Variants in KCTD14 observed in about 807,000 individuals in gnomAD.
KCTD14 encodes potassium channel tetramerization domain containing 14.
Under a neutral mutation model 5.9 loss-of-function variants are expected in KCTD14, and 7 were observed. The ratio of observed to expected loss-of-function variants is 1.19; its 90% confidence interval spans 0.68 to 2.23. The LOEUF (loss-of-function observed/expected upper bound fraction) is 2.23. KCTD14 is among the 30% of genes most tolerant of loss of function. The pLI is 0.00. For missense variants in KCTD14, 342 were observed against 332.2 expected (o/e 1.03, Z -0.23); for synonymous variants, 140 against 133.1 (o/e 1.05, Z -0.36).
upstream of KCTD14, chr11:78,023,606 G>A: frequency 4.6e-6 from 1 of 218,222 alleles, no homozygotes; most frequent in Non-Finnish European, 9.1e-6. Flanking sequence ...TCAACCTCCT[G>A]GGCTCAAGTG....
chr11:78,032,937 C>T (rs12284103), intron 2 of KCTD14, among the ~76,000 whole-genome samples: 52,566 of 151,758 alleles, frequency 0.35, 9,242 homozygotes, highest in South Asian at 0.43. Context: ...CCACCTTAGG[C>T]TCCCAAAGTG....
chr11:78,021,297 CAAAAAAAAAAAAAAA>C (rs531185817), intron 1 of KCTD14, among the ~76,000 whole-genome samples: 24 of 85,176 alleles, frequency 2.8e-4, no homozygotes, highest in Admixed American at 6.6e-4. Flanking sequence ...GACCCTGTCT[CAAAAAAAAAAAAAAA>C]AAAAAAAAAA....
chr11:78,036,581 C>G (rs1857809089), intron 2 of KCTD14, among the ~76,000 whole-genome samples: 3 of 152,254 alleles, frequency 2.0e-5, no homozygotes, highest in Admixed American at 1.3e-4. Context: ...TTAGCCTCCT[C>G]CCGGCACTGC....
chr11:78,038,761 G>A, intron 1 of KCTD14: 1 of 1,535,696 alleles, frequency 6.5e-7, no homozygotes, highest in Non-Finnish European at 8.7e-7. Context: ...GTCACCCCCT[G>A]AAACAGAAAG....
intron 2 of KCTD14, among the ~76,000 whole-genome samples, chr11:78,028,459 C>A (rs576331437): frequency 1.3e-5 from 2 of 151,894 alleles, no homozygotes; most frequent in Non-Finnish European, 2.9e-5. Flanking sequence ...AAAAATTAGC[C>A]GGGCATGGTG....
chr11:78,025,439 C>G (rs991539360), upstream of KCTD14, among the ~76,000 whole-genome samples: 6 of 152,110 alleles, frequency 3.9e-5, no homozygotes, highest in African/African-American at 1.4e-4. Flanking sequence ...TCCCAGACCA[C>G]TGACTCAAAT....
intron 1 of KCTD14, among the ~76,000 whole-genome samples, chr11:78,040,401 G>T (rs1020938385): frequency 6.7e-6 from 1 of 148,312 alleles, no homozygotes; most frequent in African/African-American, 2.5e-5. Flanking sequence ...ACTTCTTCCT[G>T]TGTCTCTTCT....
chr11:78,040,862 G>T (rs1857973204), intron 1 of KCTD14, among the ~76,000 whole-genome samples: 1 of 151,976 alleles, frequency 6.6e-6, no homozygotes, highest in African/African-American at 2.4e-5. Flanking sequence ...TAGAAATGGG[G>T]TTTCACCATG....
intron 2 of KCTD14, among the ~76,000 whole-genome samples, chr11:78,032,228 T>G (rs1418433870): frequency 6.6e-6 from 1 of 152,178 alleles, no homozygotes; most frequent in African/African-American, 2.4e-5. Flanking sequence ...CAAGCTCCTT[T>G]CTGGAGGGAG....
At position 78,023,260 on chromosome 11, in the gene KCTD14, TG is replaced by T. The variant is rs1857356796; in HGVS notation, c.-12del. Reference sequence around the variant, plus strand: ...GCAGCCCTGCCACATGCAGATCACTTGGGCCAGCGGAAGTGCCCCTGGCTGC... The same window carrying T: ...GCAGCCCTGCCACATGCAGATCACTTGGCCAGCGGAAGTGCCCCTGGCTGC... On this transcript the variant is annotated 5_prime_UTR_variant, in exon 1 of 2. Coordinates refer to ENST00000353172, the MANE Select transcript of KCTD14 (RefSeq NM_023930.4). The T allele has an allele frequency of 6.2e-7, 1 of 1,608,348 alleles. No individual in the cohort carries two copies.
intron 2 of KCTD14, among the ~76,000 whole-genome samples, chr11:78,033,953 A>C (rs1311083998): frequency 6.9e-6 from 1 of 145,166 alleles, no homozygotes; most frequent in East Asian, 2.0e-4. Context: ...ACACCATTGC[A>C]TTTGCAACGG....
rs1555055242 is a variant in KCTD14, at chr11:78,039,084, A to AAC, written c.-95-328_-95-327dup. Among the ~76,000 whole-genome samples the AAC allele has an allele frequency of 7.9e-5, 12 of 151,716 alleles. No individual in the cohort carries two copies. In the East Asian group the frequency reaches 1.9e-3, roughly 25 times the overall value. ...TTTAGATTACAAAAAAAAAAAAAAA[A>AAC]ACACAAAAAAACAGGTGTCTCTGAC... is the stretch of plus-strand genomic sequence containing the variant. On this transcript the variant is annotated intron_variant, in intron 1 of 2. Transcript: ENST00000533144.
intron 2 of KCTD14, among the ~76,000 whole-genome samples, chr11:78,034,871 C>T (rs1460267364): frequency 6.6e-6 from 1 of 152,138 alleles, no homozygotes; most frequent in African/African-American, 2.4e-5. Flanking sequence ...TATTCACTCT[C>T]CTTTGTAAAG....
intron 1 of KCTD14, among the ~76,000 whole-genome samples, chr11:78,018,366 C>T (rs1483678604): frequency 6.6e-6 from 1 of 151,904 alleles, no homozygotes; most frequent in Non-Finnish European, 1.5e-5. Context: ...CATAGCAAGA[C>T]CCCATCTCTG....
chr11:78,038,906 A>G, intron 1 of KCTD14: 1 of 908,302 alleles, frequency 1.1e-6, no homozygotes, highest in East Asian at 2.7e-5. Flanking sequence ...TCAGGCCCGG[A>G]TGTACCAGGG....
intron 2 of KCTD14, among the ~76,000 whole-genome samples, chr11:78,034,457 TTCTCTC>T (rs139232522): frequency 6.7e-6 from 1 of 148,906 alleles, no homozygotes; most frequent in African/African-American, 2.5e-5. Context: ...GTCTTAATCT[TTCTCTC>T]TCTCTCTCTC....
chr11:78,017,203 T>A lies in KCTD14; in HGVS notation c.158A>T (p.Lys53Met). The A allele has an allele frequency of 6.2e-7, 1 of 1,613,400 alleles. No individual in the cohort carries two copies. The highest frequency in any genetic ancestry group is 8.5e-7 in the Non-Finnish European group (1 of 1,179,468). The change falls in exon 2 of 2, where the codon AAG becomes ATG. Residue 53 changes from lysine (K) to methionine (M), a missense_variant. Physicochemically the swap from Lys to Met is moderately conservative, Grantham distance 95. Coordinates refer to ENST00000353172, the MANE Select transcript of KCTD14 (RefSeq NM_023930.4). ...FHTTTLGTLR[K>M]FPGSKLAEMF... Reference sequence around the variant, plus strand: ...CTCTGCCAGCTTTGAGCCCGGAAACTTCCTCAGGGTACCCAGGGTGGTGGT... The same window carrying A: ...CTCTGCCAGCTTTGAGCCCGGAAACATCCTCAGGGTACCCAGGGTGGTGGT...
At chr11:78,039,666 C>T (rs1020304326) in intron 1 of KCTD14, among the ~76,000 whole-genome samples, 11 of 151,484 alleles carry the variant, frequency 7.3e-5, no homozygotes, top group Non-Finnish European at 1.2e-4. Context: ...AATCAGGAGA[C>T]TGAGGTGGGA....
chr11:78,016,755 C>T lies in KCTD14; in HGVS notation c.606G>A (p.Gly202=), dbSNP rs1248922115. 6.2e-7 allele frequency: 1 copy of T among 1,614,034 alleles called. No individual in the cohort carries two copies. Among genetic ancestry groups the T allele is most frequent in the African/African-American group, 1.3e-5 (1 of 74,920 alleles). Residue 202 remains glycine, a synonymous_variant, in exon 2 of 2, where the codon GGG becomes GGA. Transcript: ENST00000353172. ...KKMFKSVVKF[G]PWKAVLDNSD... ...TGTTGTCTAGGACCGCCTTCCAGGG[C>T]CCAAACTTGACAACAGACTTGAACA...
Sources: gnomAD v4.1 joint callset for allele counts (sites outside exome capture counted in the v4.1 genomes callset) on GRCh38, gnomAD v4.1.1 for gene constraint, MANE v1.5 for transcripts, NCBI Gene and HGNC (gene_info 2026-07-23, HGNC 2026-07-21) for gene names.